The following RMP64 variants were observed in gnomAD, a reference collection of about 807,000 sequenced individuals.
RMP64 encodes nucleolus and neural progenitor protein.
At chr3:113,009,137 C>G in the RMP64 span, among the ~76,000 whole-genome samples, 1 of 152,096 alleles carries the variant, frequency 6.6e-6, no homozygotes, top group Non-Finnish European at 1.5e-5. Context: ...GCAACACTTC[C>G]AATTCTACTT....
chr3:113,005,693 A>G, the RMP64 span: 1 of 1,614,074 alleles, frequency 6.2e-7, no homozygotes, highest in Non-Finnish European at 8.5e-7. Flanking sequence ...CTTAGTTTGT[A>G]TGACAGGCAT....
At chr3:113,018,657 C>A in the RMP64 span, among the ~76,000 whole-genome samples, 3 of 152,216 alleles carry the variant, frequency 2.0e-5, no homozygotes, top group African/African-American at 7.2e-5. Flanking sequence ...GAACCCATGA[C>A]TGTATTCTCT....
the RMP64 span, chr3:113,005,089 C>T: frequency 5.8e-6 from 1 of 173,186 alleles, no homozygotes; most frequent in South Asian, 1.4e-4. Flanking sequence ...TATTCAGAGG[C>T]GGACCTATGT....
At chr3:113,018,596 T>C in the RMP64 span, among the ~76,000 whole-genome samples, 1 of 152,132 alleles carries the variant, frequency 6.6e-6, no homozygotes. Context: ...AGTTTGTCTC[T>C]AGTGAAAAGA....
At chr3:113,011,558 G>A in the RMP64 span, 1 of 547,936 alleles carries the variant, frequency 1.8e-6, no homozygotes, top group Non-Finnish European at 3.1e-6. Context: ...CGAACAGCCA[G>A]ATTAGTCCAA....
the RMP64 span, among the ~76,000 whole-genome samples, chr3:113,016,639 C>A: frequency 6.6e-6 from 1 of 152,268 alleles, no homozygotes; most frequent in African/African-American, 2.4e-5. Context: ...TTGATGAAAT[C>A]TTCACCCTGT....
At chr3:113,013,606 T>G in the RMP64 span, among the ~76,000 whole-genome samples, 7 of 152,134 alleles carry the variant, frequency 4.6e-5, no homozygotes, top group Non-Finnish European at 7.3e-5. Context: ...TTCAGCTATG[T>G]GCAAGCTCCC....
At chr3:113,019,656 G>T in the RMP64 span, 2 of 1,610,654 alleles carry the variant, frequency 1.2e-6, no homozygotes, top group Non-Finnish European at 1.7e-6. Context: ...ATGCGAGGCG[G>T]GGGGACTTAC....
the RMP64 span, chr3:113,013,462 G>GTT: frequency 1.9e-4 from 174 of 938,036 alleles, no homozygotes; most frequent in African/African-American, 5.0e-4. Flanking sequence ...TTTTTTTTTT[G>GTT]TTTTTTTTTT....
the RMP64 span, chr3:113,014,240 A>AT: frequency 6.5e-6 from 3 of 459,334 alleles, no homozygotes; most frequent in Non-Finnish European, 1.2e-5. Context: ...AGCCAAACAC[A>AT]TTTTTAAAAT....
the RMP64 span, chr3:113,008,120 C>T: frequency 6.5e-7 from 1 of 1,540,022 alleles, no homozygotes; most frequent in Non-Finnish European, 8.9e-7. Flanking sequence ...TACTTTTACT[C>T]ATAACAACAA....
the RMP64 span, chr3:113,019,500 C>T: frequency 6.6e-6 from 10 of 1,517,584 alleles, no homozygotes; most frequent in East Asian, 4.6e-5. Flanking sequence ...TGGCGGCCTC[C>T]CCCGGAAACG....
At chr3:113,012,656 G>T in the RMP64 span, 1 of 841,272 alleles carries the variant, frequency 1.2e-6, no homozygotes, top group Non-Finnish European at 2.0e-6. Flanking sequence ...AAGAAAATAA[G>T]TTTGAAAACT....
the RMP64 span, among the ~76,000 whole-genome samples, chr3:113,018,497 G>A: frequency 1.3e-5 from 2 of 152,278 alleles, no homozygotes; most frequent in South Asian, 2.1e-4. Context: ...GGGATGTGAT[G>A]ATCTAAGTCA....
At chr3:113,019,518 A>G in the RMP64 span, 3 of 1,582,862 alleles carry the variant, frequency 1.9e-6, no homozygotes, top group Non-Finnish European at 2.6e-6. Flanking sequence ...ACGTTCCCCC[A>G]TCCTCGCCCG....
chr3:113,018,187 C>T, the RMP64 span, among the ~76,000 whole-genome samples: 1 of 152,188 alleles, frequency 6.6e-6, no homozygotes, highest in Admixed American at 6.5e-5. Flanking sequence ...GTCTGAAAAT[C>T]TGTAGAAGTC....
the RMP64 span, chr3:113,013,076 C>T: frequency 2.5e-5 from 16 of 642,936 alleles, no homozygotes; most frequent in African/African-American, 3.7e-5. Flanking sequence ...ATAATACGTG[C>T]TGAACAGTGA....
chr3:113,018,147 C>T, the RMP64 span, among the ~76,000 whole-genome samples: 1 of 152,192 alleles, frequency 6.6e-6, no homozygotes. Flanking sequence ...ATTTGATGAA[C>T]ACCGGGTGCT....
At chr3:113,013,178 C>T in the RMP64 span, 2 of 1,351,202 alleles carry the variant, frequency 1.5e-6, no homozygotes, top group South Asian at 1.2e-5. Context: ...GTTGTAACTC[C>T]TATGGAGTGT....
Sources: gnomAD v4.1 joint callset for allele counts (sites outside exome capture counted in the v4.1 genomes callset) on GRCh38, gnomAD v4.1.1 for gene constraint, MANE v1.5 for transcripts, NCBI Gene and HGNC (gene_info 2026-07-23, HGNC 2026-07-21) for gene names.